The following TBC1D8B variants were observed in gnomAD, a reference collection of about 807,000 sequenced individuals.
The protein encoded by TBC1D8B is RP11-321G1.1.
Under a neutral mutation model 82.9 loss-of-function variants are expected in TBC1D8B, and 75 were observed. The observed-to-expected ratio is 0.90, with a 90% CI of 0.75 to 1.10. The LOEUF is 1.10. TBC1D8B is among the 50% of genes least tolerant of loss of function. The pLI is 0.00. For synonymous variants in TBC1D8B, 276 were observed against 276.8 expected (o/e 1.00, Z 0.03); for missense variants, 794 against 796.9 (o/e 1.00, Z 0.04).
intron 14 of TBC1D8B, among the ~76,000 whole-genome samples, chrX:106,857,191 C>T (rs1353744989): frequency 9.0e-6 from 1 of 111,055 alleles, no homozygotes; most frequent in Non-Finnish European, 1.9e-5. Flanking sequence ...GTCTCACTGT[C>T]GCCCAGGCTG....
At chrX:106,820,529 C>T (rs944862692) in intron 2 of TBC1D8B, among the ~76,000 whole-genome samples, 4 of 111,716 alleles carry the variant, frequency 3.6e-5, no homozygotes, top group African/African-American at 1.3e-4. Flanking sequence ...GATTGAATTA[C>T]ACATTATGTA....
intron 1 of TBC1D8B, among the ~76,000 whole-genome samples, chrX:106,816,264 A>G (rs1440831109): frequency 9.0e-6 from 1 of 111,585 alleles, no homozygotes; most frequent in African/African-American, 3.3e-5. Flanking sequence ...TTATACACCA[A>G]TAACAAACAG....
At chrX:106,852,076 G>A (rs1330384540) in intron 12 of TBC1D8B, among the ~76,000 whole-genome samples, 1 of 109,043 alleles carries the variant, frequency 9.2e-6, no homozygotes, top group African/African-American at 3.3e-5. Flanking sequence ...TCCAGTACCT[G>A]TTGTTTCCTG....
chrX:106,854,170 G>A, intron 13 of TBC1D8B, 28 bp from the exon 14 acceptor site: 1 of 1,015,778 alleles, frequency 9.8e-7, no homozygotes, highest in African/African-American at 2.0e-5. Flanking sequence ...TTATGAGTGA[G>A]TAGCCACTGA....
intron 7 of TBC1D8B, chrX:106,829,917 TG>T (rs1305763581): frequency 9.0e-6 from 1 of 110,947 alleles, no homozygotes; most frequent in Non-Finnish European, 1.9e-5. Context: ...CCAAAAGCAA[TG>T]GCAACAAAAG....
At position 106,873,621 on chromosome X, in the gene TBC1D8B, C is replaced by T; in HGVS notation, c.3019C>T (p.Pro1007Ser). 1.7e-6 allele frequency: 2 copies of T among 1,208,330 alleles called. No individual in the cohort carries two copies. The highest frequency in any genetic ancestry group is 3.5e-5 in the African/African-American group (2 of 57,533). The change falls in exon 21 of 21, where the codon CCT (proline) becomes TCT (serine). Residue 1007 changes from proline to serine, a missense_variant. By Grantham distance (74) the Pro-to-Ser change is moderately conservative (BLOSUM62 -1). Transcript: ENST00000357242. ...KTLYNLFHED[P>S]EEESLYQAIA... ...CCTCTATAACTTATTTCATGAGGAC[C>T]CTGAAGAAGAATCATTATATCAAGC...
intron 7 of TBC1D8B, among the ~76,000 whole-genome samples, chrX:106,838,491 C>T (rs923057779): frequency 9.0e-6 from 1 of 111,692 alleles, no homozygotes; most frequent in Non-Finnish European, 1.9e-5. Context: ...TCAAAGATAG[C>T]CAGAGTTGAG....
At chrX:106,841,031 G>C (rs1932294039) in intron 10 of TBC1D8B, 147 bp downstream of exon 10, 1 of 469,798 alleles carries the variant, frequency 2.1e-6, no homozygotes, top group Non-Finnish European at 3.6e-6. Flanking sequence ...TAGGATGGTA[G>C]TGGGAATACT....
chrX:106,850,349 T>C (rs1466054354), intron 12 of TBC1D8B, 39 bp downstream of exon 12: 1 of 1,121,222 alleles, frequency 8.9e-7, no homozygotes, highest in Non-Finnish European at 1.2e-6. Flanking sequence ...TGGAGGAGAT[T>C]TGAGAGATGA....
intron 10 of TBC1D8B, among the ~76,000 whole-genome samples, chrX:106,844,374 T>A (rs1205297803): frequency 6.4e-5 from 7 of 108,656 alleles, no homozygotes; most frequent in African/African-American, 2.3e-4. Flanking sequence ...GTTGCGGAAG[T>A]TCTCTTATAT....
intron 1 of TBC1D8B, among the ~76,000 whole-genome samples, chrX:106,810,299 G>T (rs5916768): frequency 0.03 from 3,372 of 111,421 alleles, 60 homozygotes; most frequent in Non-Finnish European, 0.046. Context: ...GTGGGAGGAG[G>T]GGGGACGTTC....
intron 14 of TBC1D8B, among the ~76,000 whole-genome samples, chrX:106,858,908 G>A (rs919126575): frequency 2.7e-4 from 30 of 111,898 alleles, no homozygotes; most frequent in Non-Finnish European, 2.6e-4. Context: ...TAGGGATCTA[G>A]TTTCAATCTT....
At chrX:106,845,341 C>T (rs1932416247) in intron 10 of TBC1D8B, among the ~76,000 whole-genome samples, 1 of 108,962 alleles carries the variant, frequency 9.2e-6, no homozygotes, top group Non-Finnish European at 1.9e-5. Flanking sequence ...GGTACGTGTG[C>T]ACAATGTGCA....
At chrX:106,834,984 G>T (rs1034088895) in intron 7 of TBC1D8B, among the ~76,000 whole-genome samples, 1 of 111,908 alleles carries the variant, frequency 8.9e-6, no homozygotes, top group Admixed American at 9.4e-5. Context: ...CCATTCTGGG[G>T]TCTGAAGGAT....
At chrX:106,808,177 C>T (rs1740954666) in intron 1 of TBC1D8B, among the ~76,000 whole-genome samples, 1 of 111,692 alleles carries the variant, frequency 9.0e-6, no homozygotes, top group Admixed American at 9.5e-5. Context: ...TTTCTTTTAT[C>T]TTCCTTGATT....
At chrX:106,835,131 T>C (rs1157323316) in intron 7 of TBC1D8B, among the ~76,000 whole-genome samples, 1 of 112,708 alleles carries the variant, frequency 8.9e-6, no homozygotes, top group Non-Finnish European at 1.9e-5. Flanking sequence ...AGCAAACTTC[T>C]GCCTGGACAT....
At chrX:106,869,803 C>T (rs1009245956) in intron 19 of TBC1D8B, among the ~76,000 whole-genome samples, 2 of 111,646 alleles carry the variant, frequency 1.8e-5, no homozygotes, top group Non-Finnish European at 3.8e-5. Flanking sequence ...CAACCCTACC[C>T]GAAAACATTT....
intron 1 of TBC1D8B, 128 bp downstream of exon 1, chrX:106,803,111 T>C: frequency 1.3e-6 from 1 of 782,592 alleles, no homozygotes; most frequent in Non-Finnish European, 1.7e-6. Context: ...CTGGGGTTCT[T>C]CTCCCGACAC....
At position 106,865,573 on chromosome X, in the gene TBC1D8B, A is replaced by G. The variant is rs771951949; in HGVS notation, c.2367A>G (p.Ser789=). The change falls in exon 15 of 21, where the codon TCA becomes TCG. Residue 789 remains serine, a synonymous_variant. Transcript: ENST00000357242. ...TCTTTTTAAAGTTGCGTGTTGTATC[A>G]CAAGATGTGAAATTGAGCCTTCAAG... ...TTKQNVLRVV[S]QDVKLSLQEL... is the part of the protein sequence containing the mutation. 4.2e-6 allele frequency: 5 copies of G among 1,200,825 alleles called. No individual in the cohort carries two copies. The South Asian group carries it at 7.4e-5, about 18-fold the overall frequency.
Sources: allele counts gnomAD v4.1 joint callset (sites outside exome capture counted in the v4.1 genomes callset), GRCh38; gene constraint gnomAD v4.1.1; transcripts MANE v1.5; gene names NCBI Gene and HGNC (gene_info 2026-07-23, HGNC 2026-07-21).